PTPRR: variants seen among roughly 807,000 people sequenced by gnomAD.
PTPRR encodes protein tyrosine phosphatase receptor type R.
PTPRR carries 38 observed loss-of-function variants against 77.2 expected under a neutral mutation model. The observed-to-expected ratio is 0.49, with a 90% CI of 0.38 to 0.65. The LOEUF (loss-of-function observed/expected upper bound fraction) is 0.65, where lower values mean the gene tolerates loss of function less well. PTPRR is among the 30% of genes least tolerant of loss of function. The pLI is 0.00. For synonymous variants in PTPRR, 299 were observed against 283.1 expected (o/e 1.06, Z -0.57); for missense variants, 744 against 799.2 (o/e 0.93, Z 0.83).
At chr12:70,693,989 G>C (rs777773632) in intron 8 of PTPRR, among the ~76,000 whole-genome samples, 2 of 151,938 alleles carry the variant, frequency 1.3e-5, no homozygotes, top group Non-Finnish European at 2.9e-5. Flanking sequence ...TAATTTTCTC[G>C]GTAGCCTTGT....
chr12:70,855,829 T>C (rs1370758215), intron 2 of PTPRR, among the ~76,000 whole-genome samples: 1 of 152,176 alleles, frequency 6.6e-6, no homozygotes, highest in Non-Finnish European at 1.5e-5. Flanking sequence ...AAAACCTGCA[T>C]ATAACAACAA....
At chr12:70,732,123 T>C (rs1309529561) in intron 6 of PTPRR, among the ~76,000 whole-genome samples, 1 of 152,264 alleles carries the variant, frequency 6.6e-6, no homozygotes, top group African/African-American at 2.4e-5. Context: ...GGTATATTCC[T>C]TCAGGCAAAG....
intron 4 of PTPRR, among the ~76,000 whole-genome samples, chr12:70,755,042 T>C (rs1306034233): frequency 6.6e-6 from 1 of 152,174 alleles, no homozygotes; most frequent in African/African-American, 2.4e-5. Context: ...AAAGTGTGCA[T>C]GACTCTATTA....
intron 1 of PTPRR, among the ~76,000 whole-genome samples, chr12:70,897,332 A>T (rs1465238090): frequency 6.6e-6 from 1 of 152,042 alleles, no homozygotes; most frequent in Non-Finnish European, 1.5e-5. Flanking sequence ...ACCCCATCAA[A>T]AAGGAGGCAA....
chr12:70,741,630 G>C (rs757144183), intron 6 of PTPRR, among the ~76,000 whole-genome samples: 1 of 152,180 alleles, frequency 6.6e-6, no homozygotes, highest in Non-Finnish European at 1.5e-5. Context: ...CAGGACTTTG[G>C]TGGAAGGTGG....
At chr12:70,792,869 G>A (rs1445359557) in intron 2 of PTPRR, among the ~76,000 whole-genome samples, 2 of 152,126 alleles carry the variant, frequency 1.3e-5, no homozygotes, top group African/African-American at 2.4e-5. Context: ...CCCTGTCAGA[G>A]CAACATTAAT....
chr12:70,720,433 G>C (rs1442050288), intron 6 of PTPRR, among the ~76,000 whole-genome samples: 1 of 151,976 alleles, frequency 6.6e-6, no homozygotes, highest in Non-Finnish European at 1.5e-5. Flanking sequence ...ACAAATGTTA[G>C]GTATAGGCAT....
rs775442873 is a variant in PTPRR, at chr12:70,656,717, G to C, written c.1867C>G (p.Leu623Val). Residue 623 changes from leucine (L) to valine (V), a missense_variant, in exon 13 of 14, where the codon CTT becomes GTT. Physicochemically the swap from Leu to Val is conservative, Grantham distance 32. Coordinates refer to ENST00000283228, the MANE Select transcript of PTPRR (RefSeq NM_002849.4). ...VVDALSIVCQ[L>V]RMDRGGMVQT... ...TGTGACACTCACCTATCCATACGAA[G>C]CTGGCAGACAATGCTTAGTGCATCC... 1 of 1,612,826 alleles carries C rather than the reference G, an allele frequency of 6.2e-7. No homozygotes were observed. The highest frequency in any genetic ancestry group is 1.7e-5 in the Admixed American group (1 of 60,022).
chr12:70,715,507 T>C (rs146303675), intron 6 of PTPRR, among the ~76,000 whole-genome samples: 5,901 of 152,234 alleles, frequency 0.039, 125 homozygotes, highest in Middle Eastern at 0.058. Context: ...CCAATAAGCC[T>C]GGGAGCGCTA....
intron 4 of PTPRR, among the ~76,000 whole-genome samples, chr12:70,756,369 C>T (rs1302042404): frequency 6.6e-6 from 1 of 151,866 alleles, no homozygotes; most frequent in Non-Finnish European, 1.5e-5. Context: ...CTGCTGAACA[C>T]TACTATATTT....
intron 2 of PTPRR, among the ~76,000 whole-genome samples, chr12:70,866,680 T>C (rs1035928758): frequency 1.3e-5 from 2 of 152,222 alleles, no homozygotes; most frequent in African/African-American, 4.8e-5. Context: ...TAACTCATTT[T>C]ATGAGGCCAG....
At chr12:70,643,816 C>G (rs902918826) in intron 13 of PTPRR, among the ~76,000 whole-genome samples, 2 of 151,420 alleles carry the variant, frequency 1.3e-5, no homozygotes, top group Non-Finnish European at 1.5e-5. Context: ...ACTGTGTCAT[C>G]CTGGCTGGAT....
chr12:70,866,702 T>G (rs1442398726), intron 2 of PTPRR, among the ~76,000 whole-genome samples: 2 of 152,218 alleles, frequency 1.3e-5, no homozygotes, highest in African/African-American at 4.8e-5. Flanking sequence ...ATCATCCTGA[T>G]ACCAATGCCT....
Position 70,684,050 on chromosome 12 carries a change from G to C in PTPRR, c.1497+77C>G, listed in dbSNP as rs1190310052. ...GTTTCCATCTTAAATCTAAGTCCATGGCAATTTTACTAACACAGTATCTCT... is the reference window on the plus strand; with the variant it reads ...GTTTCCATCTTAAATCTAAGTCCATCGCAATTTTACTAACACAGTATCTCT... On this transcript the variant is annotated intron_variant, in intron 10 of 13. Coordinates refer to ENST00000283228, the MANE Select transcript of PTPRR (RefSeq NM_002849.4). The C allele has an allele frequency of 2.0e-6, 3 of 1,480,082 alleles. No individual in the cohort carries two copies. In the Admixed American group the frequency reaches 5.9e-5, roughly 29 times the overall value. The allele number at this position is 1,480,082 out of a possible 1,614,324, so 91.7% of individuals were successfully genotyped here.
intron 10 of PTPRR, among the ~76,000 whole-genome samples, chr12:70,670,211 C>T (rs1178238394): frequency 6.6e-6 from 1 of 152,136 alleles, no homozygotes; most frequent in African/African-American, 2.4e-5. Context: ...GTGTGTTAGG[C>T]CAAATTATCC....
rs915459521 is a variant in PTPRR, at chr12:70,639,066, T to C, written c.*118A>G. 73 of 815,150 alleles carry C rather than the reference T, an allele frequency of 9.0e-5. 1 individual carries two copies. The highest frequency in any genetic ancestry group is 1.7e-4 in the Admixed American group (8 of 46,482). 50.5% of individuals were successfully genotyped at this position (815,150 alleles called of 1,614,324 possible). The stretch of plus-strand genomic sequence containing the variant: ...GCCCAGTCTTCCACAATCCATGCCA[T>C]ACATGGGCTTCAGAGCTTCTCCTTC... On this transcript the variant is annotated 3_prime_UTR_variant, in exon 14 of 14. Coordinates refer to ENST00000283228, the MANE Select transcript of PTPRR (RefSeq NM_002849.4).
At chr12:70,768,956 A>G (rs926192241) in intron 2 of PTPRR, among the ~76,000 whole-genome samples, 1 of 151,320 alleles carries the variant, frequency 6.6e-6, no homozygotes, top group Admixed American at 6.6e-5. Context: ...ACAAAATTCA[A>G]CAACCCTTCA....
intron 6 of PTPRR, among the ~76,000 whole-genome samples, chr12:70,703,800 G>A (rs1888516782): frequency 6.6e-6 from 1 of 152,126 alleles, no homozygotes; most frequent in African/African-American, 2.4e-5. Context: ...AGACAAAATT[G>A]TCTGCCCTCT....
intron 2 of PTPRR, among the ~76,000 whole-genome samples, chr12:70,831,818 C>T (rs1034060839): frequency 2.6e-5 from 4 of 152,176 alleles, no homozygotes; most frequent in Non-Finnish European, 5.9e-5. Flanking sequence ...TCCTAGATAT[C>T]TTAAAGCCTT....
Sources: allele counts gnomAD v4.1 joint callset (sites outside exome capture counted in the v4.1 genomes callset), GRCh38; gene constraint gnomAD v4.1.1; transcripts MANE v1.5; gene names NCBI Gene and HGNC (gene_info 2026-07-23, HGNC 2026-07-21).